Variants in SEMA5A observed in about 807,000 individuals in gnomAD.
SEMA5A encodes semaphorin 5A, also known as semaphorin-5A.
Under a neutral mutation model 135.5 loss-of-function variants are expected in SEMA5A, and 55 were observed. The observed-to-expected ratio is 0.41, with a 90% confidence interval of 0.33 to 0.51. The LOEUF is 0.51. Among genes scored for constraint, SEMA5A ranks in the 20% least tolerant of loss-of-function variants. The pLI is 0.37. For synonymous variants in SEMA5A, 580 were observed against 546.5 expected, an observed-to-expected ratio of 1.06 and a Z score of -0.85; for missense variants, 1,290 against 1,419.9, an observed-to-expected ratio of 0.91 and a Z score of 1.47.
intron 1 of SEMA5A, among the ~76,000 whole-genome samples, chr5:9,461,376 T>C (rs1759051093): frequency 6.6e-6 from 1 of 152,156 alleles, no homozygotes; most frequent in Admixed American, 6.5e-5. Flanking sequence ...TGACACCAAA[T>C]GGAAATGCTT....
At chr5:9,076,910 A>G (rs1160374357) in intron 16 of SEMA5A, among the ~76,000 whole-genome samples, 1 of 125,152 alleles carries the variant, frequency 8.0e-6, no homozygotes, top group Non-Finnish European at 1.7e-5. Context: ...GTGTGTGTGT[A>G]GCCTGTGCAT....
Position 9,224,805 on chromosome 5 carries a change from A to G in SEMA5A, c.515T>C (p.Leu172Pro). 3.1e-6 allele frequency: 5 copies of G among 1,614,058 alleles called. No individual in the cohort carries two copies. The highest frequency in any genetic ancestry group is 4.2e-6 in the Non-Finnish European group (5 of 1,179,984). The stretch of plus-strand genomic sequence containing the variant: ...ATAGAGCTCCCCACCAGCTGTGAGG[A>G]GCGCTGTGGAATTGTGCTGGGGACT... ...PYSPQHNSTA[L>P]LTAGGELYAA... The change falls in exon 8 of 23, where the codon CTC becomes CCC. Residue 172 changes from leucine (L) to proline (P), a missense_variant. Physicochemically the swap from Leu to Pro is moderately conservative, Grantham distance 98. This residue lies in a region of SEMA5A where 145 missense variants were observed against 212.0 expected (regional missense o/e 0.68). Coordinates refer to ENST00000382496, the MANE Select transcript of SEMA5A (RefSeq NM_003966.3).
chr5:9,400,338 A>G (rs961587153), intron 2 of SEMA5A, among the ~76,000 whole-genome samples: 1 of 152,238 alleles, frequency 6.6e-6, no homozygotes, highest in African/African-American at 2.4e-5. Context: ...AAAAAATAAA[A>G]GAATTAAACT....
intron 1 of SEMA5A, among the ~76,000 whole-genome samples, chr5:9,496,311 C>T (rs968279404): frequency 1.8e-4 from 28 of 152,162 alleles, no homozygotes; most frequent in African/African-American, 6.8e-4. Flanking sequence ...TCCCAAAGTG[C>T]TGGGATTATA....
rs573737175 is a variant in SEMA5A, at chr5:9,062,794, G to A, written c.2518+93C>T. On this transcript the variant is annotated intron_variant, in intron 18 of 22. Transcript: ENST00000382496. Reference sequence around the variant, plus strand: ...TATTAAGAACACAGATCTCAAACACGAAGCCAGGGAGCTGCGTGAGGCCTG... The same window carrying A: ...TATTAAGAACACAGATCTCAAACACAAAGCCAGGGAGCTGCGTGAGGCCTG... 31 of 1,313,340 alleles carry A rather than the reference G, an allele frequency of 2.4e-5. No homozygotes were observed. In the East Asian group the frequency reaches 3.7e-4, roughly 16 times the overall value. The allele number at this position is 1,313,340 out of a possible 1,614,324, so 81.4% of individuals were successfully genotyped here.
In SEMA5A at chr5:9,136,534, C is replaced by G. The variant is rs17238609; in HGVS notation, c.1569G>C (p.Thr523=). 0.087 allele frequency: 141,025 copies of G among 1,613,748 alleles called. 6,852 individuals are homozygous for G. Among genetic ancestry groups the G allele is most frequent in the South Asian group, 0.15 (13,549 of 91,060 alleles). Residue 523 remains threonine (T), a synonymous_variant, in exon 13 of 23, where the codon ACG becomes ACC. Transcript: ENST00000382496. ...ACGCAGAGATGCTCTGTTCCCACTG[C>G]GTCATGCTCAGGCTCTCCTCCAGGC... ...CTSLEESLSM[T]QWEQSISACP...
chr5:9,334,852 A>G (rs1231707475), intron 4 of SEMA5A, among the ~76,000 whole-genome samples: 1 of 152,170 alleles, frequency 6.6e-6, no homozygotes, highest in Non-Finnish European at 1.5e-5. Flanking sequence ...GGCATCATGG[A>G]TTTTTATTTG....
intron 11 of SEMA5A, among the ~76,000 whole-genome samples, chr5:9,169,619 A>C (rs2150304055): frequency 6.6e-6 from 1 of 152,206 alleles, no homozygotes; most frequent in South Asian, 2.1e-4. Context: ...TCTGCTCTTG[A>C]ACAAATAAAA....
At chr5:9,353,304 G>GAAATGAAAGGAAATGAAAGGAAAGGA in intron 3 of SEMA5A, among the ~76,000 whole-genome samples, 1 of 98,912 alleles carries the variant, frequency 1.0e-5, no homozygotes, top group Non-Finnish European at 2.1e-5. Flanking sequence ...GAAGGGAAGG[G>GAAATGAAAGGAAATGAAAGGAAAGGA]AAGGGAAGGG....
At chr5:9,467,455 G>T (rs1301416148) in intron 1 of SEMA5A, among the ~76,000 whole-genome samples, 2 of 152,100 alleles carry the variant, frequency 1.3e-5, no homozygotes, top group Non-Finnish European at 2.9e-5. Flanking sequence ...CTTATTCCCA[G>T]ATTAGAACTC....
intron 12 of SEMA5A, among the ~76,000 whole-genome samples, chr5:9,148,260 T>C (rs1355841313): frequency 6.6e-6 from 1 of 152,178 alleles, no homozygotes; most frequent in African/African-American, 2.4e-5. Flanking sequence ...TTAAGGAACA[T>C]TCATTTATTC....
At chr5:9,181,861 C>T (rs1744531434) in intron 11 of SEMA5A, among the ~76,000 whole-genome samples, 1 of 152,052 alleles carries the variant, frequency 6.6e-6, no homozygotes, top group African/African-American at 2.4e-5. Context: ...CTGTCTCCCC[C>T]AACCCCCTGC....
intron 1 of SEMA5A, among the ~76,000 whole-genome samples, chr5:9,458,015 C>T (rs1188177181): frequency 2.1e-5 from 3 of 144,922 alleles, no homozygotes; most frequent in Admixed American, 7.2e-5. Flanking sequence ...TCATGCCATT[C>T]TCCTGCCTCA....
intron 2 of SEMA5A, among the ~76,000 whole-genome samples, chr5:9,410,961 A>G (rs534823892): frequency 6.7e-6 from 1 of 149,528 alleles, no homozygotes; most frequent in East Asian, 2.0e-4. Flanking sequence ...AGTTATAGCA[A>G]ATGACAATTT....
At position 9,224,667 on chromosome 5, in the gene SEMA5A, G is replaced by A; in HGVS notation, c.646+7C>T. ...AGGTGAGAAAGAGGGAGTGACGGAAGGCTTACCATTGAGCCATTTGGAGTT... is the reference window on the plus strand; with the variant it reads ...AGGTGAGAAAGAGGGAGTGACGGAAAGCTTACCATTGAGCCATTTGGAGTT... On this transcript the variant is annotated splice_region_variant and intron_variant, in intron 8 of 22. Coordinates refer to ENST00000382496, the MANE Select transcript of SEMA5A (RefSeq NM_003966.3). The A allele has an allele frequency of 6.2e-7, 1 of 1,613,756 alleles. No individual in the cohort carries two copies.
chr5:9,251,923 G>A (rs1415340575), intron 5 of SEMA5A, among the ~76,000 whole-genome samples: 3 of 152,164 alleles, frequency 2.0e-5, no homozygotes. Context: ...ACAGTAGGTA[G>A]AAAGGAGCTT....
At chr5:9,208,649 T>C (rs1011152976) in intron 8 of SEMA5A, among the ~76,000 whole-genome samples, 2 of 151,658 alleles carry the variant, frequency 1.3e-5, no homozygotes, top group South Asian at 2.1e-4. Flanking sequence ...GAGAAGACCA[T>C]AAGGCTGGCA....
chr5:9,543,879 A>G (rs1295699356), intron 1 of SEMA5A, among the ~76,000 whole-genome samples: 3 of 150,428 alleles, frequency 2.0e-5, no homozygotes, highest in Admixed American at 6.6e-5. Flanking sequence ...TTTGGAGGGG[A>G]AAAAAAAATC....
At chr5:9,349,012 C>T (rs539826479) in intron 3 of SEMA5A, among the ~76,000 whole-genome samples, 2 of 152,306 alleles carry the variant, frequency 1.3e-5, no homozygotes, top group South Asian at 4.1e-4. Context: ...TCCTGTCTGC[C>T]TCCTCACTAT....
Sources: allele counts gnomAD v4.1 joint callset (sites outside exome capture counted in the v4.1 genomes callset), GRCh38; gene constraint gnomAD v4.1.1; regional missense constraint gnomAD v4.1.1; transcripts MANE v1.5; gene names NCBI Gene and HGNC (gene_info 2026-07-23, HGNC 2026-07-21).